Variants in PRORP observed in about 807,000 individuals in gnomAD.
PRORP encodes protein only RNase P catalytic subunit.
PRORP carries 51 observed loss-of-function variants against 59.4 expected under a neutral mutation model. The ratio of observed to expected loss-of-function variants is 0.86; its 90% CI spans 0.69 to 1.08. The LOEUF (loss-of-function observed/expected upper bound fraction) is 1.08. PRORP is among the 50% of genes least tolerant of loss of function. The pLI is 0.00. For missense variants in PRORP, 646 were observed against 690.3 expected, an observed-to-expected ratio of 0.94 and a Z score of 0.72; for synonymous variants, 231 against 245.6, an observed-to-expected ratio of 0.94 and a Z score of 0.55.
chr14:35,242,769 G>A (rs2050398185), intron 5 of PRORP, among the ~76,000 whole-genome samples: 2 of 152,174 alleles, frequency 1.3e-5, no homozygotes, highest in Non-Finnish European at 2.9e-5. Flanking sequence ...GACCTGGGTA[G>A]AGTGCTGTGC....
At chr14:35,268,637 C>T (rs2051107833) in intron 6 of PRORP, among the ~76,000 whole-genome samples, 1 of 152,160 alleles carries the variant, frequency 6.6e-6, no homozygotes, top group Non-Finnish European at 1.5e-5. Flanking sequence ...ACTGGGTCAC[C>T]CAGGCTGGAG....
intron 5 of PRORP, among the ~76,000 whole-genome samples, chr14:35,255,473 C>T (rs1211069849): frequency 1.3e-5 from 2 of 151,912 alleles, no homozygotes; most frequent in Non-Finnish European, 2.9e-5. Flanking sequence ...TACCACATGC[C>T]TAGTGACTTA....
At chr14:35,158,980 T>C (rs2047991402) in intron 4 of PRORP, 1 of 350,270 alleles carries the variant, frequency 2.9e-6, no homozygotes, top group Non-Finnish European at 5.5e-6. Flanking sequence ...ATTTGGGAGA[T>C]TGGCAAATCC....
intron 5 of PRORP, among the ~76,000 whole-genome samples, chr14:35,192,165 C>T (rs1362768555): frequency 6.6e-6 from 1 of 152,166 alleles, no homozygotes; most frequent in Non-Finnish European, 1.5e-5. Flanking sequence ...CATTGTCTTT[C>T]ACTGAATTGT....
chr14:35,200,871 C>T (rs2049131291), intron 5 of PRORP, among the ~76,000 whole-genome samples: 1 of 152,080 alleles, frequency 6.6e-6, no homozygotes, highest in African/African-American at 2.4e-5. Flanking sequence ...AAAGTCCATA[C>T]TTTATTTAGA....
In PRORP at chr14:35,271,156, C is replaced by CTTTTT. The variant is rs762721923; in HGVS notation, c.1620+576_1620+580dup. 1.6e-4 allele frequency among the ~76,000 whole-genome samples: 18 copies of CTTTTT among 114,572 alleles called. 1 individual carries two copies. Among genetic ancestry groups the CTTTTT allele is most frequent in the South Asian group, 3.1e-4 (1 of 3,258 alleles). The allele number at this position is 114,572 out of a possible 152,430, so 75.2% of individuals were successfully genotyped here. A position where few individuals can be genotyped will look rare whatever the true frequency, so the allele number is the denominator to read the frequency against. On this transcript the variant is annotated intron_variant, in intron 7 of 7. Coordinates refer to ENST00000534898, the MANE Select transcript of PRORP (RefSeq NM_014672.4). The stretch of plus-strand genomic sequence containing the variant: ...TTAATTATGTCACAAATTATGACTT[C>CTTTTT]TTTTTTTTTTTTTTTTTTTTGAGAC...
At chr14:35,247,791 C>G in intron 5 of PRORP, among the ~76,000 whole-genome samples, 1 of 152,184 alleles carries the variant, frequency 6.6e-6, no homozygotes, top group East Asian at 1.9e-4. Context: ...TCTTGCCTTA[C>G]AGGATAGGGA....
At chr14:35,201,992 CAG>C (rs1390753561) in intron 5 of PRORP, among the ~76,000 whole-genome samples, 2 of 142,966 alleles carry the variant, frequency 1.4e-5, no homozygotes, top group African/African-American at 5.2e-5. Flanking sequence ...TTTTTTGAGA[CAG>C]AGTCTCGACC....
chr14:35,187,894 C>T (rs563436129), intron 5 of PRORP, among the ~76,000 whole-genome samples: 84 of 151,176 alleles, frequency 5.6e-4, no homozygotes, highest in African/African-American at 1.9e-3. Context: ...GTCGCCCAGG[C>T]TGGAGTGGTG....
chr14:35,139,209 G>A (rs996682315), intron 4 of PRORP, among the ~76,000 whole-genome samples: 1 of 145,664 alleles, frequency 6.9e-6, no homozygotes, highest in Non-Finnish European at 1.5e-5. Context: ...CTCCTGCCTT[G>A]GCCTCCTAAG....
intron 5 of PRORP, among the ~76,000 whole-genome samples, chr14:35,188,953 A>G (rs12586380): frequency 1.1e-5 from 1 of 91,220 alleles, no homozygotes; most frequent in Non-Finnish European, 2.6e-5. Context: ...AAAAAAAAAA[A>G]AAAAAAAAAA....
chr14:35,227,681 G>T (rs2049970305), intron 5 of PRORP, among the ~76,000 whole-genome samples: 1 of 152,034 alleles, frequency 6.6e-6, no homozygotes, highest in Admixed American at 6.6e-5. Flanking sequence ...TTCTCAGAGA[G>T]TCCCAGTTTA....
chr14:35,216,683 TA>T (rs1427595274), intron 5 of PRORP, among the ~76,000 whole-genome samples: 1 of 152,250 alleles, frequency 6.6e-6, no homozygotes, highest in Non-Finnish European at 1.5e-5. Context: ...TGTCAGTTCA[TA>T]TAGTAATTCT....
chr14:35,170,866 TG>T (rs1280543409), intron 4 of PRORP, among the ~76,000 whole-genome samples: 1 of 152,048 alleles, frequency 6.6e-6, no homozygotes, highest in Non-Finnish European at 1.5e-5. Context: ...CTTTTTTTTT[TG>T]TGACGGAGTT....
chr14:35,264,406 G>A (rs1003458854), intron 5 of PRORP, among the ~76,000 whole-genome samples: 29 of 151,744 alleles, frequency 1.9e-4, no homozygotes, highest in African/African-American at 5.8e-4. Context: ...ACAGGTGAGA[G>A]CCACCGTGCC....
At position 35,175,393 on chromosome 14, in the gene PRORP, C is replaced by G. The variant is rs533483277; in HGVS notation, c.1168-5277C>G. ...AAGTGTTCTTACTTCTCCACATCCT[C>G]TCCAGCACCTGTTGTTTCCTGACTT... On this transcript the variant is annotated intron_variant, in intron 4 of 7. Transcript: ENST00000534898. Among the ~76,000 whole-genome samples the G allele has an allele frequency of 5.9e-3, 894 of 152,050 alleles. 7 individuals carry two copies. Among genetic ancestry groups the G allele is most frequent in the Middle Eastern group, 0.01 (3 of 292 alleles).
At chr14:35,267,217 T>TTAG (rs769302763) in intron 6 of PRORP, among the ~76,000 whole-genome samples, 7 of 152,164 alleles carry the variant, frequency 4.6e-5, no homozygotes, top group Admixed American at 6.6e-5. Context: ...GCACCTTCTA[T>TTAG]GTTCTTGGAG....
intron 5 of PRORP, among the ~76,000 whole-genome samples, chr14:35,263,643 G>A (rs1359048171): frequency 6.6e-6 from 1 of 152,098 alleles, no homozygotes; most frequent in Non-Finnish European, 1.5e-5. Context: ...AACTGAAATT[G>A]TGCCACTGCA....
chr14:35,128,553 G>T (rs1302212749), intron 4 of PRORP, among the ~76,000 whole-genome samples: 2 of 151,830 alleles, frequency 1.3e-5, no homozygotes, highest in Non-Finnish European at 2.9e-5. Flanking sequence ...TTTCTTCATG[G>T]TTCAGTCTTA....
Sources: gnomAD v4.1 joint callset for allele counts (sites outside exome capture counted in the v4.1 genomes callset) on GRCh38, gnomAD v4.1.1 for gene constraint, MANE v1.5 for transcripts, NCBI Gene and HGNC (gene_info 2026-07-23, HGNC 2026-07-21) for gene names.